MYOM1: variants seen among roughly 807,000 people sequenced by gnomAD.
The protein encoded by MYOM1 is myomesin-1.
In MYOM1, 164 loss-of-function variants were observed where a neutral mutation model predicts 205.3. The observed-to-expected ratio is 0.80, with a 90% CI of 0.70 to 0.91. MYOM1 has a LOEUF of 0.91. Among genes scored for constraint, MYOM1 ranks in the 40% least tolerant of loss-of-function variants. MYOM1 has a pLI of 0.00. For missense variants in MYOM1, 2,011 were observed against 2,127.3 expected, an observed-to-expected ratio of 0.95 and a Z score of 1.08; for synonymous variants, 772 against 789.4, an observed-to-expected ratio of 0.98 and a Z score of 0.37.
the MYOM1 span, among the ~76,000 whole-genome samples, chr18:3,225,052 A>G: frequency 6.6e-6 from 1 of 152,036 alleles, no homozygotes; most frequent in Admixed American, 6.5e-5. Context: ...CAGTGGCGCC[A>G]TCTCAGCTCA....
intron 2 of MYOM1, 50 bp from the exon 3 acceptor site, chr18:3,194,008 A>G (rs1156286617): frequency 6.3e-7 from 1 of 1,584,874 alleles, no homozygotes; most frequent in East Asian, 2.2e-5. Flanking sequence ...GGCATTTACA[A>G]TATTCAAAAT....
chr18:3,177,685 C>G (rs2080668065), intron 5 of MYOM1, among the ~76,000 whole-genome samples: 1 of 152,188 alleles, frequency 6.6e-6, no homozygotes, highest in Admixed American at 6.5e-5. Context: ...GTTGGTCAGG[C>G]TGATCTCGAA....
chr18:3,207,350 A>G (rs921339520), intron 2 of MYOM1, among the ~76,000 whole-genome samples: 1 of 152,194 alleles, frequency 6.6e-6, no homozygotes, highest in East Asian at 1.9e-4. Context: ...GTTTAACCCC[A>G]TATTTCCTAG....
chr18:3,070,948 G>A (rs1481273981), intron 37 of MYOM1, among the ~76,000 whole-genome samples: 1 of 151,984 alleles, frequency 6.6e-6, no homozygotes, highest in Admixed American at 6.6e-5. Flanking sequence ...TTGTAGAGAT[G>A]GGGTTTCGTC....
At chr18:3,094,085 A>G (rs1283314679) in intron 26 of MYOM1, 85 bp downstream of exon 26, 1 of 1,437,852 alleles carries the variant, frequency 7.0e-7, no homozygotes, top group Non-Finnish European at 9.5e-7. Context: ...AGCGGTTTTT[A>G]TAACAACATA....
Position 3,066,949 on chromosome 18 carries a change from G to A in MYOM1, c.*313C>T, listed in dbSNP as rs867554937. 5 of 297,160 alleles carry A rather than the reference G, an allele frequency of 1.7e-5. No individual in the cohort carries two copies. The highest frequency in any genetic ancestry group is 1.3e-4 in the Admixed American group (3 of 22,340). 18.4% of individuals were successfully genotyped at this position (297,160 alleles called of 1,614,324 possible). A position where few individuals can be genotyped will look rare whatever the true frequency, so the allele number is the denominator to read the frequency against. On this transcript the variant is annotated 3_prime_UTR_variant, in exon 38 of 38. Transcript: ENST00000356443. ...TCACAGCTGCAGCAAATCCCAATTCGCCCCACGACACATTCGTCTGCCCTC... is the reference window on the plus strand; with the variant it reads ...TCACAGCTGCAGCAAATCCCAATTCACCCCACGACACATTCGTCTGCCCTC...
At chr18:3,118,265 G>C (rs2079634113) in intron 20 of MYOM1, among the ~76,000 whole-genome samples, 1 of 152,192 alleles carries the variant, frequency 6.6e-6, no homozygotes, top group East Asian at 1.9e-4. Flanking sequence ...GAGAAGCCAG[G>C]GTGTCAGGAG....
chr18:3,197,135 C>G (rs1014426857), intron 2 of MYOM1, among the ~76,000 whole-genome samples: 20 of 142,652 alleles, frequency 1.4e-4, no homozygotes, highest in African/African-American at 4.8e-4. Context: ...TCTCCAACTT[C>G]CTTTTTTTTT....
At chr18:3,080,809 G>T (rs1396751184) in intron 33 of MYOM1, among the ~76,000 whole-genome samples, 2 of 152,096 alleles carry the variant, frequency 1.3e-5, no homozygotes, top group African/African-American at 4.8e-5. Flanking sequence ...TGTAAAGACA[G>T]ATTTTGGCAT....
chr18:3,135,586 A>T lies in MYOM1; in HGVS notation c.2170T>A (p.Ser724Thr). The T allele has an allele frequency of 6.2e-7, 1 of 1,613,772 alleles. No homozygotes were observed. Among genetic ancestry groups the T allele is most frequent in the Non-Finnish European group, 8.5e-7 (1 of 1,179,860 alleles). ...ACCACAGTCACCTCCGTTGCCTCTG[A>T]GGGCTCACCAACTCCTGCAGAATTA... ...CSNSAGVGEP[S>T]EATEVTVVGD... Residue 724 changes from serine to threonine, a missense_variant, in exon 15 of 38, where the codon TCA becomes ACA. Physicochemically the swap from Ser to Thr is moderately conservative, Grantham distance 58 (BLOSUM62 1). Coordinates refer to ENST00000356443, the MANE Select transcript of MYOM1 (RefSeq NM_003803.4). This position sits in a 1 kb window ranked among gnomAD's most constrained non-coding sequence, Gnocchi z 4.1.
intron 26 of MYOM1, among the ~76,000 whole-genome samples, chr18:3,091,539 T>C (rs1471549866): frequency 6.6e-6 from 1 of 152,090 alleles, no homozygotes; most frequent in Non-Finnish European, 1.5e-5. Flanking sequence ...TCTTCATAAC[T>C]GAACAAGTGC....
At chr18:3,116,291 C>T in intron 21 of MYOM1, 40 bp downstream of exon 21, 1 of 1,584,942 alleles carries the variant, frequency 6.3e-7, no homozygotes, top group Non-Finnish European at 8.6e-7. Context: ...ATTAGTAGAG[C>T]AGTTAGTAGA....
intron 20 of MYOM1, among the ~76,000 whole-genome samples, chr18:3,117,331 C>G (rs947049633): frequency 1.3e-5 from 2 of 152,200 alleles, no homozygotes; most frequent in African/African-American, 4.8e-5. Flanking sequence ...TATGCGCAGC[C>G]CACAAATGGG....
rs2079133267 is a variant in MYOM1, at chr18:3,085,034, G to A, written c.4339+11C>T. 2 of 1,590,426 alleles carry A rather than the reference G, an allele frequency of 1.3e-6. No homozygotes were observed. Among genetic ancestry groups the A allele is most frequent in the Non-Finnish European group, 1.7e-6 (2 of 1,165,640 alleles). ...ACACACAAGACAGACCCCAGCAGTT[G>A]GTGGACTGACCTTCATCCACAAGCT... On this transcript the variant is annotated intron_variant, in intron 31 of 37. Coordinates refer to ENST00000356443, the MANE Select transcript of MYOM1 (RefSeq NM_003803.4).
Position 3,102,507 on chromosome 18 carries a change from G to A in MYOM1, c.3542C>T (p.Ser1181Phe). The change falls in exon 23 of 38, where the codon TCT becomes TTT. Residue 1181 changes from serine (S) to phenylalanine (F), a missense_variant. Physicochemically the swap from Ser to Phe is radical, Grantham distance 155. Transcript: ENST00000356443. The stretch of plus-strand genomic sequence containing the variant: ...CTTGCTTTCGACTTCCAATCGTGGA[G>A]AGTCCTCAGTGGATACATAATCTTT... ...WSKDYVSTED[S>F]PRLEVESKGN... 6.2e-7 allele frequency: 1 copy of A among 1,612,850 alleles called. No homozygotes were observed. Among genetic ancestry groups the A allele is most frequent in the African/African-American group, 1.3e-5 (1 of 74,968 alleles).
chr18:3,226,642 G>A, the MYOM1 span, among the ~76,000 whole-genome samples: 1 of 152,114 alleles, frequency 6.6e-6, no homozygotes, highest in Admixed American at 6.6e-5. This position sits in a 1 kb window ranked among gnomAD's most constrained non-coding sequence, Gnocchi z 4.6. Flanking sequence ...CTTCCACTAG[G>A]ATGGGAAGTT....
In MYOM1 at chr18:3,084,039, G is replaced by A; in HGVS notation, c.4340-12C>T. 1.3e-6 allele frequency: 2 copies of A among 1,573,576 alleles called. No individual in the cohort carries two copies. Among genetic ancestry groups the A allele is most frequent in the Non-Finnish European group, 1.7e-6 (2 of 1,157,632 alleles). On this transcript the variant is annotated splice_polypyrimidine_tract_variant and intron_variant, in intron 31 of 37. Transcript: ENST00000356443. ...CAGTTCCTTAAAGGCTGTGGAGAGA[G>A]ATTCAGAGCCAAAACTTTAGCATAA...
chr18:3,072,002 C>A, intron 36 of MYOM1, 113 bp from the exon 37 acceptor site: 1 of 901,550 alleles, frequency 1.1e-6, no homozygotes, highest in Admixed American at 2.0e-5. Flanking sequence ...CCTGATAGTT[C>A]TTTTATACAG....
intron 13 of MYOM1, among the ~76,000 whole-genome samples, chr18:3,145,051 G>A (rs1355302564): frequency 6.6e-6 from 1 of 152,228 alleles, no homozygotes; most frequent in Non-Finnish European, 1.5e-5. Context: ...GCTAACGCCT[G>A]TAATCCCAGC....
Sources: allele counts gnomAD v4.1 joint callset (sites outside exome capture counted in the v4.1 genomes callset), GRCh38; gene constraint gnomAD v4.1.1; non-coding constraint Gnocchi (gnomAD v3.1); transcripts MANE v1.5; gene names NCBI Gene and HGNC (gene_info 2026-07-23, HGNC 2026-07-21).